The following DNAJC5B variants were observed in gnomAD, a reference collection of about 807,000 sequenced individuals.
The protein encoded by DNAJC5B is dnaJ homolog subfamily C member 5B.
In DNAJC5B, 23 loss-of-function variants were observed where a neutral mutation model predicts 24.7. That is an observed-to-expected ratio of 0.93 (90% CI 0.67 to 1.32). The LOEUF is 1.32. DNAJC5B is among the 40% of genes most tolerant of loss of function. The pLI is 0.00. For missense variants in DNAJC5B, 238 were observed against 240.8 expected, an observed-to-expected ratio of 0.99 and a Z score of 0.08; for synonymous variants, 101 against 90.1, an observed-to-expected ratio of 1.12 and a Z score of -0.68.
chr8:66,069,200 G>A (rs371400671), intron 3 of DNAJC5B, among the ~76,000 whole-genome samples: 69 of 151,654 alleles, frequency 4.5e-4, no homozygotes, highest in Admixed American at 1.7e-3. Context: ...AGTAGAATAC[G>A]GTGACTAAAC....
chr8:66,055,576 G>C (rs549863578), intron 3 of DNAJC5B, among the ~76,000 whole-genome samples: 143 of 152,266 alleles, frequency 9.4e-4, no homozygotes, highest in Non-Finnish European at 1.6e-3. Context: ...TATCACCCAA[G>C]TCACTTTCCC....
At chr8:66,066,982 G>T (rs948679571) in intron 3 of DNAJC5B, among the ~76,000 whole-genome samples, 1 of 142,762 alleles carries the variant, frequency 7.0e-6, no homozygotes, top group African/African-American at 2.9e-5. Context: ...AAAAAGCTAG[G>T]GGCCAATACA....
In DNAJC5B at chr8:66,073,036, C is replaced by T. The variant is rs1017608475; in HGVS notation, c.120-3624C>T. On this transcript the variant is annotated intron_variant, in intron 3 of 5. Coordinates refer to ENST00000276570, the MANE Select transcript of DNAJC5B (RefSeq NM_033105.6). ...TTGGGGTGGGGGGTCTTAGCCAAGGCAGTACAATAAGGGAAGAAATGTAAA... is the reference window on the plus strand; with the variant it reads ...TTGGGGTGGGGGGTCTTAGCCAAGGTAGTACAATAAGGGAAGAAATGTAAA... Among the ~76,000 whole-genome samples, 3 of 151,786 alleles carry T rather than the reference C, an allele frequency of 2.0e-5. No homozygotes were observed. In the East Asian group the frequency reaches 5.8e-4, roughly 29 times the overall value.
intron 1 of DNAJC5B, among the ~76,000 whole-genome samples, chr8:66,028,234 C>T (rs928241561): frequency 6.6e-6 from 1 of 152,124 alleles, no homozygotes; most frequent in South Asian, 2.1e-4. Flanking sequence ...AAATTTTGGC[C>T]CCGGCACAAC....
rs371063420 is a variant in DNAJC5B, at chr8:66,094,783, T to G, written c.506-5154T>G. Among the ~76,000 whole-genome samples, 991 of 152,236 alleles carry G rather than the reference T, an allele frequency of 6.5e-3. 7 individuals carry two copies. The highest frequency in any genetic ancestry group is 0.014 in the Middle Eastern group (4 of 294). ...TGATCAGGTTAAGAAAATTGTCTTC[T>G]ATTCCTATTTTGTTAGACCTTCATA... On this transcript the variant is annotated intron_variant, in intron 5 of 5. Transcript: ENST00000276570.
At chr8:66,093,290 T>C (rs1051538961) in intron 5 of DNAJC5B, among the ~76,000 whole-genome samples, 1 of 152,200 alleles carries the variant, frequency 6.6e-6, no homozygotes, top group Admixed American at 6.5e-5. Flanking sequence ...GGATATGCAC[T>C]TGTACAACTT....
At chr8:66,098,159 T>C (rs1428639078) in intron 5 of DNAJC5B, among the ~76,000 whole-genome samples, 1 of 151,902 alleles carries the variant, frequency 6.6e-6, no homozygotes, top group East Asian at 1.9e-4. Context: ...CAGCCCAAAA[T>C]CTTTATCTTT....
At chr8:66,076,618 G>T in intron 3 of DNAJC5B, 42 bp from the exon 4 acceptor site, 2 of 1,606,860 alleles carry the variant, frequency 1.2e-6, no homozygotes, top group Non-Finnish European at 1.7e-6. Flanking sequence ...GTTCATTCTT[G>T]TCAAATAACA....
Position 66,036,969 on chromosome 8 carries a change from G to T in DNAJC5B, c.-141-6519G>T, listed in dbSNP as rs116533069. On this transcript the variant is annotated intron_variant, in intron 1 of 5. Transcript: ENST00000276570. ...TCCAGCTCTGGTCGGTTCTGCGGCA[G>T]GGCTGGAACTGTGTCCCAGGCCAGA... 9.0e-3 allele frequency among the ~76,000 whole-genome samples: 1,368 copies of T among 152,318 alleles called. 18 individuals carry two copies. Among genetic ancestry groups the T allele is most frequent in the African/African-American group, 0.032 (1,318 of 41,558 alleles).
chr8:66,058,076 G>A (rs1033165718), intron 3 of DNAJC5B: 18 of 152,204 alleles, frequency 1.2e-4, no homozygotes, highest in Non-Finnish European at 2.5e-4. Flanking sequence ...ATGGTGGTGT[G>A]TTCTCGCTCC....
intron 4 of DNAJC5B, among the ~76,000 whole-genome samples, chr8:66,080,139 G>C (rs995329819): frequency 6.6e-6 from 1 of 152,120 alleles, no homozygotes; most frequent in African/African-American, 2.4e-5. Context: ...TATTACTTTG[G>C]CTACAAGTCA....
chr8:66,081,275 T>C (rs1807591144), intron 5 of DNAJC5B, among the ~76,000 whole-genome samples: 1 of 152,142 alleles, frequency 6.6e-6, no homozygotes, highest in South Asian at 2.1e-4. Flanking sequence ...CTCTGGGAAA[T>C]GCCTTTGTTT....
chr8:66,070,684 G>A (rs1054553703), intron 3 of DNAJC5B, among the ~76,000 whole-genome samples: 1 of 152,142 alleles, frequency 6.6e-6, no homozygotes, highest in African/African-American at 2.4e-5. Context: ...TTTCTTCACA[G>A]AATTGGAAAA....
chr8:66,084,507 T>G (rs1360054280), intron 5 of DNAJC5B, among the ~76,000 whole-genome samples: 4 of 152,116 alleles, frequency 2.6e-5, no homozygotes, highest in Admixed American at 2.6e-4. Flanking sequence ...ATTTTAGACT[T>G]GGGAGGAATC....
At chr8:66,081,647 A>G (rs963692887) in intron 5 of DNAJC5B, among the ~76,000 whole-genome samples, 1 of 152,070 alleles carries the variant, frequency 6.6e-6, no homozygotes, top group Non-Finnish European at 1.5e-5. Context: ...GGTATTACCC[A>G]CCCTGACTCC....
At chr8:66,090,547 C>T (rs970079137) in intron 5 of DNAJC5B, among the ~76,000 whole-genome samples, 3 of 151,860 alleles carry the variant, frequency 2.0e-5, no homozygotes. Flanking sequence ...ATATTATTGA[C>T]CTTGGATCTA....
chr8:66,075,099 C>T (rs1226611137), intron 3 of DNAJC5B, among the ~76,000 whole-genome samples: 3 of 152,134 alleles, frequency 2.0e-5, no homozygotes, highest in Admixed American at 6.5e-5. Context: ...TTTGGAGTCT[C>T]GCTGTCGCCC....
chr8:66,057,085 G>A (rs1428937487), intron 3 of DNAJC5B: 1 of 152,200 alleles, frequency 6.6e-6, no homozygotes, highest in Non-Finnish European at 1.5e-5. Context: ...CTTGCAGTGA[G>A]CCGAGATCGC....
At chr8:66,076,189 T>C (rs1807457266) in intron 3 of DNAJC5B, among the ~76,000 whole-genome samples, 2 of 152,248 alleles carry the variant, frequency 1.3e-5, no homozygotes, top group Admixed American at 1.3e-4. Flanking sequence ...GGGGTCTTAA[T>C]TTTGTTCAAG....
Sources: gnomAD v4.1 joint callset for allele counts (sites outside exome capture counted in the v4.1 genomes callset) on GRCh38, gnomAD v4.1.1 for gene constraint, MANE v1.5 for transcripts, NCBI Gene and HGNC (gene_info 2026-07-23, HGNC 2026-07-21) for gene names.